CPPED1: variants seen among roughly 807,000 people sequenced by gnomAD.
CPPED1 encodes serine/threonine-protein phosphatase CPPED1.
Under a neutral mutation model 28.0 loss-of-function variants are expected in CPPED1, and 28 were observed. The observed-to-expected ratio is 1.00, with a 90% CI of 0.74 to 1.37. CPPED1 has a LOEUF of 1.37. Among genes scored for constraint, CPPED1 ranks in the 40% most tolerant of loss-of-function variants. The pLI, the probability that CPPED1 is intolerant of heterozygous loss-of-function variation, is 0.00. For synonymous variants in CPPED1, 198 were observed against 180.2 expected, an observed-to-expected ratio of 1.10 and a Z score of -0.79; for missense variants, 504 against 416.5, an observed-to-expected ratio of 1.21 and a Z score of -1.83.
Position 12,682,782 on chromosome 16 carries a change from T to C in CPPED1, c.716-17667A>G, listed in dbSNP as rs2079912426. Among the ~76,000 whole-genome samples, 1 of 152,120 alleles carries C rather than the reference T, an allele frequency of 6.6e-6. No homozygotes were observed. Among genetic ancestry groups the C allele is most frequent in the African/African-American group, 2.4e-5 (1 of 41,464 alleles). The stretch of plus-strand genomic sequence containing the variant: ...ATCTTTTTCTTTTCATTTGCACAAA[T>C]TACATCTTTCTCACTATTCATAATT... On this transcript the variant is annotated intron_variant, in intron 3 of 3. Coordinates refer to ENST00000381774, the MANE Select transcript of CPPED1 (RefSeq NM_018340.3). The surrounding 1 kb of genome is among the most constrained non-coding windows in gnomAD (Gnocchi z 6.1).
At chr16:12,763,535 T>TG (rs1404676686) in intron 2 of CPPED1, among the ~76,000 whole-genome samples, 3 of 152,234 alleles carry the variant, frequency 2.0e-5, no homozygotes, top group Non-Finnish European at 1.5e-5. Flanking sequence ...CTGTATTAAA[T>TG]GCCAGCCAAT....
chr16:12,680,151 G>C (rs1293622830), intron 3 of CPPED1, among the ~76,000 whole-genome samples: 1 of 151,916 alleles, frequency 6.6e-6, no homozygotes, highest in Non-Finnish European at 1.5e-5. Context: ...TGCTTCCTAG[G>C]CCCATTCAAT....
intron 1 of CPPED1, among the ~76,000 whole-genome samples, chr16:12,800,462 G>C (rs890970019): frequency 6.6e-6 from 1 of 151,998 alleles, no homozygotes; most frequent in Non-Finnish European, 1.5e-5. Context: ...AAACCATGGG[G>C]GACTACAGAA....
At chr16:12,764,739 G>C (rs1455131556) in intron 2 of CPPED1, among the ~76,000 whole-genome samples, 1 of 152,164 alleles carries the variant, frequency 6.6e-6, no homozygotes, top group Admixed American at 6.5e-5. Context: ...CCACCCTCTT[G>C]GGTATCACAG....
chr16:12,690,935 G>T (rs975897750), intron 3 of CPPED1, among the ~76,000 whole-genome samples: 2 of 152,202 alleles, frequency 1.3e-5, no homozygotes, highest in African/African-American at 2.4e-5. Context: ...AGAGGAGCAG[G>T]TGAAGAATGG....
intron 3 of CPPED1, among the ~76,000 whole-genome samples, chr16:12,678,161 G>A (rs1596442471): frequency 6.6e-6 from 1 of 152,168 alleles, no homozygotes; most frequent in South Asian, 2.1e-4. Flanking sequence ...GACAACAAAG[G>A]AAAGAGTAAT....
intron 2 of CPPED1, among the ~76,000 whole-genome samples, chr16:12,778,282 T>C (rs1356483708): frequency 3.4e-5 from 5 of 146,818 alleles, no homozygotes; most frequent in Non-Finnish European, 7.5e-5. Context: ...TCTTTCTTTT[T>C]TTTTTTTTTT....
At chr16:12,761,805 G>A (rs547374184) in intron 2 of CPPED1, among the ~76,000 whole-genome samples, 1 of 152,254 alleles carries the variant, frequency 6.6e-6, no homozygotes, top group Admixed American at 6.5e-5. Flanking sequence ...GAAATCAGGA[G>A]TTCGAGACCA....
At chr16:12,752,044 G>A (rs1293162597) in intron 2 of CPPED1, among the ~76,000 whole-genome samples, 1 of 152,108 alleles carries the variant, frequency 6.6e-6, no homozygotes, top group Non-Finnish European at 1.5e-5. Context: ...CCAGGTCAAA[G>A]CATTTCCCAC....
At chr16:12,759,650 C>T (rs188757115) in intron 2 of CPPED1, among the ~76,000 whole-genome samples, 5 of 152,176 alleles carry the variant, frequency 3.3e-5, no homozygotes, top group Non-Finnish European at 5.9e-5. Context: ...ATCATGGGGT[C>T]GGGGGGTGGT....
At chr16:12,797,163 T>C (rs576199202) in intron 1 of CPPED1, among the ~76,000 whole-genome samples, 105 of 152,260 alleles carry the variant, frequency 6.9e-4, no homozygotes, top group African/African-American at 2.4e-3. Context: ...TAAAGTTAGA[T>C]TGTGACTACA....
At chr16:12,745,991 G>C (rs1284439978) in intron 2 of CPPED1, 1 of 151,764 alleles carries the variant, frequency 6.6e-6, no homozygotes, top group Non-Finnish European at 1.5e-5. Context: ...AAGAATTGTA[G>C]CAGTTTCTTC....
intron 2 of CPPED1, among the ~76,000 whole-genome samples, chr16:12,714,615 G>T (rs76022532): frequency 0.034 from 5,157 of 152,136 alleles, 132 homozygotes; most frequent in East Asian, 0.1. Context: ...CAGATACTTT[G>T]CCCATTTTTC....
chr16:12,792,861 A>T (rs2080605002), intron 1 of CPPED1, among the ~76,000 whole-genome samples: 1 of 152,124 alleles, frequency 6.6e-6, no homozygotes, highest in African/African-American at 2.4e-5. Context: ...TCAGTCCATT[A>T]AACCTCTTTC....
intron 2 of CPPED1, among the ~76,000 whole-genome samples, chr16:12,768,866 TC>T (rs2080454048): frequency 7.0e-6 from 1 of 142,810 alleles, no homozygotes; most frequent in Non-Finnish European, 1.6e-5. Context: ...TTTTTCTTTT[TC>T]TTTTTTTTTT....
At chr16:12,775,030 G>C (rs2080489660) in intron 2 of CPPED1, among the ~76,000 whole-genome samples, 1 of 152,126 alleles carries the variant, frequency 6.6e-6, no homozygotes, top group African/African-American at 2.4e-5. Flanking sequence ...ATGTTGTCCA[G>C]GCTAGTCTCC....
intron 2 of CPPED1, among the ~76,000 whole-genome samples, chr16:12,755,168 C>A (rs1198587186): frequency 1.3e-5 from 2 of 152,042 alleles, no homozygotes; most frequent in African/African-American, 4.8e-5. Context: ...TCTGATGGGT[C>A]CCTTCTGGCA....
At chr16:12,747,357 G>T (rs1328836483) in intron 2 of CPPED1, among the ~76,000 whole-genome samples, 1 of 151,908 alleles carries the variant, frequency 6.6e-6, no homozygotes, top group Non-Finnish European at 1.5e-5. Context: ...GATTGAGCCT[G>T]ACAGGGTGAT....
chr16:12,776,801 C>T (rs1480689769), intron 2 of CPPED1, among the ~76,000 whole-genome samples: 1 of 152,074 alleles, frequency 6.6e-6, no homozygotes, highest in Non-Finnish European at 1.5e-5. Context: ...TGCCTGTAGT[C>T]CCAGCTACTC....
Sources: allele counts gnomAD v4.1 joint callset (sites outside exome capture counted in the v4.1 genomes callset), GRCh38; gene constraint gnomAD v4.1.1; non-coding constraint Gnocchi (gnomAD v3.1); transcripts MANE v1.5; gene names NCBI Gene and HGNC (gene_info 2026-07-23, HGNC 2026-07-21).